HECW2: variants seen among roughly 807,000 people sequenced by gnomAD.
HECW2 encodes the protein E3 ubiquitin-protein ligase HECW2.
Under a neutral mutation model 175.2 loss-of-function variants are expected in HECW2, and 61 were observed. The ratio of observed to expected loss-of-function variants is 0.35; its 90% CI spans 0.28 to 0.43. HECW2 has a LOEUF of 0.43. Among genes scored for constraint, HECW2 ranks in the 20% least tolerant of loss-of-function variants. The pLI is 1.00. For missense variants in HECW2, 1,524 were observed against 2,000.5 expected, an observed-to-expected ratio of 0.76 and a Z score of 4.54; for synonymous variants, 671 against 731.0, an observed-to-expected ratio of 0.92 and a Z score of 1.32.
intron 1 of HECW2, among the ~76,000 whole-genome samples, chr2:196,590,839 G>C: frequency 6.6e-6 from 1 of 152,158 alleles, no homozygotes; most frequent in Non-Finnish European, 1.5e-5. Flanking sequence ...AGAAAATATA[G>C]GTTTTTCTCC....
At chr2:196,306,923 A>C (rs1351399508) in intron 12 of HECW2, among the ~76,000 whole-genome samples, 1 of 152,202 alleles carries the variant, frequency 6.6e-6, no homozygotes, top group Non-Finnish European at 1.5e-5. Context: ...TTTATATTCT[A>C]CTTGGGTTTT....
At chr2:196,202,543 A>C (rs1686897677) in intron 28 of HECW2, among the ~76,000 whole-genome samples, 2 of 152,198 alleles carry the variant, frequency 1.3e-5, no homozygotes, top group African/African-American at 4.8e-5. Context: ...GAAATAACAG[A>C]AACATGCTTA....
At position 196,571,478 on chromosome 2, in the gene HECW2, G is replaced by A. The variant is rs547768535; in HGVS notation, c.-36+22030C>T. Among the ~76,000 whole-genome samples, 8 of 152,276 alleles carry A rather than the reference G, an allele frequency of 5.3e-5. 1 individual carries two copies. In the South Asian group the frequency reaches 1.7e-3, roughly 32 times the overall value. On this transcript the variant is annotated intron_variant, in intron 1 of 28. Transcript: ENST00000644978. ...AATCCCAGCACTTTCGGAGGCCAAGGTGGGTGGATCACTTGAGGTCAGGAG... is the reference window on the plus strand; with the variant it reads ...AATCCCAGCACTTTCGGAGGCCAAGATGGGTGGATCACTTGAGGTCAGGAG...
At chr2:196,501,787 T>C (rs1687587395) in intron 1 of HECW2, among the ~76,000 whole-genome samples, 2 of 152,338 alleles carry the variant, frequency 1.3e-5, no homozygotes, top group Admixed American at 1.3e-4. Context: ...AAAAATAATA[T>C]CTTTTGGTTT....
chr2:196,583,202 T>C (rs1470041287), intron 1 of HECW2, among the ~76,000 whole-genome samples: 4 of 152,196 alleles, frequency 2.6e-5, no homozygotes, highest in Admixed American at 2.0e-4. Context: ...AAATATCACC[T>C]ACATACCTGA....
chr2:196,556,976 G>A (rs1009384516), intron 1 of HECW2, among the ~76,000 whole-genome samples: 1 of 152,044 alleles, frequency 6.6e-6, no homozygotes, highest in Non-Finnish European at 1.5e-5. Flanking sequence ...ATGTTCAAAG[G>A]ACACAGATAA....
chr2:196,272,020 T>C (rs1689759201), intron 16 of HECW2, among the ~76,000 whole-genome samples: 2 of 152,134 alleles, frequency 1.3e-5, no homozygotes, highest in African/African-American at 4.8e-5. Flanking sequence ...CATTTAAACT[T>C]ACGAAAATCA....
rs1686759388 is a variant in HECW2 at position 196,198,542 on chromosome 2, C to G, written c.*2735G>C. On this transcript the variant is annotated 3_prime_UTR_variant, in exon 29 of 29. Coordinates refer to ENST00000644978, the MANE Select transcript of HECW2 (RefSeq NM_001348768.2). ...AGACTCTTGTAGCTCCATCGTCAAA[C>G]AAACATCAAACTGGCACAGAGGGAA... The G allele has an allele frequency of 6.6e-6, 1 of 152,204 alleles. No homozygotes were observed. Among genetic ancestry groups the G allele is most frequent in the South Asian group, 2.1e-4 (1 of 4,832 alleles). 9.4% of individuals were successfully genotyped at this position (152,204 alleles called of 1,614,324 possible). A position where few individuals can be genotyped will look rare whatever the true frequency, so the allele number is the denominator to read the frequency against.
intron 2 of HECW2, among the ~76,000 whole-genome samples, chr2:196,347,443 C>T (rs1692999176): frequency 6.6e-6 from 1 of 152,044 alleles, no homozygotes; most frequent in Non-Finnish European, 1.5e-5. Context: ...AACTCCTGAC[C>T]TTGGGTGATC....
intron 1 of HECW2, among the ~76,000 whole-genome samples, chr2:196,480,142 CA>C (rs542063019): frequency 4.4e-4 from 66 of 150,140 alleles, no homozygotes; most frequent in Non-Finnish European, 6.5e-4. Flanking sequence ...AATTAAAAAA[CA>C]AAAAAAAAGG....
intron 6 of HECW2, among the ~76,000 whole-genome samples, chr2:196,323,885 G>T (rs1692039475): frequency 1.4e-5 from 2 of 147,846 alleles, no homozygotes; most frequent in African/African-American, 5.0e-5. Context: ...AGACTAAGTG[G>T]CATGCCCTTA....
intron 1 of HECW2, among the ~76,000 whole-genome samples, chr2:196,453,635 G>T (rs982641000): frequency 2.0e-4 from 30 of 152,138 alleles, no homozygotes; most frequent in East Asian, 1.9e-4. Context: ...AACAGTCAGT[G>T]ATAGCTTATA....
chr2:196,551,819 C>A (rs779173643), intron 1 of HECW2, among the ~76,000 whole-genome samples: 22 of 152,112 alleles, frequency 1.4e-4, no homozygotes, highest in Non-Finnish European at 2.8e-4. Flanking sequence ...TTCAGTCATG[C>A]ATTCTTTTCA....
intron 2 of HECW2, among the ~76,000 whole-genome samples, chr2:196,414,501 T>C (rs1695200462): frequency 6.6e-6 from 1 of 152,242 alleles, no homozygotes; most frequent in African/African-American, 2.4e-5. Flanking sequence ...GCGAACATTC[T>C]GTGAGTGTGG....
At chr2:196,557,495 G>A (rs1689842246) in intron 1 of HECW2, among the ~76,000 whole-genome samples, 1 of 151,804 alleles carries the variant, frequency 6.6e-6, no homozygotes, top group Admixed American at 6.6e-5. Flanking sequence ...TTCCCTGAAA[G>A]ACAGTTTTGC....
chr2:196,271,338 T>A, intron 16 of HECW2, 49 bp from the exon 17 acceptor site: 1 of 1,351,454 alleles, frequency 7.4e-7, no homozygotes. Context: ...AATCTATTTT[T>A]AGTTTTATGT....
intron 2 of HECW2, among the ~76,000 whole-genome samples, chr2:196,406,564 C>T (rs1404271197): frequency 2.0e-5 from 3 of 152,204 alleles, no homozygotes; most frequent in African/African-American, 7.2e-5. Context: ...TGCTTAAAAT[C>T]CTGGTCTCCA....
chr2:196,456,710 T>G (rs1428466195), intron 1 of HECW2, among the ~76,000 whole-genome samples: 1 of 152,200 alleles, frequency 6.6e-6, no homozygotes, highest in Non-Finnish European at 1.5e-5. Context: ...TGGGACACTT[T>G]CCTTGAATTA....
chr2:196,242,474 T>C (rs919352693), intron 19 of HECW2: 26 of 430,680 alleles, frequency 6.0e-5, no homozygotes, highest in Non-Finnish European at 9.4e-5. Flanking sequence ...TGTTCCCCTT[T>C]TCAGTCGAAA....
Sources: allele counts gnomAD v4.1 joint callset (sites outside exome capture counted in the v4.1 genomes callset), GRCh38; gene constraint gnomAD v4.1.1; transcripts MANE v1.5; gene names NCBI Gene and HGNC (gene_info 2026-07-23, HGNC 2026-07-21).